The following FBXW7 variants were observed in gnomAD, a reference collection of about 807,000 sequenced individuals.
The protein encoded by FBXW7 is F-box and WD repeat domain containing 7, also known as F-box/WD repeat-containing protein 7.
Under a neutral mutation model 86.3 loss-of-function variants are expected in FBXW7, and 11 were observed. That is an observed-to-expected ratio of 0.13 (90% CI 0.08 to 0.21). The LOEUF (loss-of-function observed/expected upper bound fraction) is 0.21. FBXW7 is among the 10% of genes least tolerant of loss of function. The pLI, the probability that FBXW7 is intolerant of heterozygous loss-of-function variation, is 1.00. For synonymous variants in FBXW7, 313 were observed against 297.9 expected, an observed-to-expected ratio of 1.05 and a Z score of -0.52; for missense variants, 488 against 847.4, an observed-to-expected ratio of 0.58 and a Z score of 5.27.
chr4:152,449,784 G>A (rs1741741702), intron 2 of FBXW7, among the ~76,000 whole-genome samples: 1 of 152,118 alleles, frequency 6.6e-6, no homozygotes, highest in Admixed American at 6.5e-5. Flanking sequence ...AATGCACAAA[G>A]GTATTTGTTT....
intron 2 of FBXW7, among the ~76,000 whole-genome samples, chr4:152,446,684 T>A (rs1308983315): frequency 2.0e-5 from 3 of 152,186 alleles, no homozygotes; most frequent in African/African-American, 7.2e-5. Context: ...CACAGACCAA[T>A]CATAGTTATC....
At chr4:152,454,173 A>G (rs1579244442) in intron 2 of FBXW7, among the ~76,000 whole-genome samples, 1 of 151,904 alleles carries the variant, frequency 6.6e-6, no homozygotes, top group Non-Finnish European at 1.5e-5. Context: ...TGATCTAAAC[A>G]GAATCCAAAG....
At position 152,411,547 on chromosome 4, in the gene FBXW7, G is replaced by A. The variant is rs780061054; in HGVS notation, c.257C>T (p.Ser86Leu). 62 of 1,613,644 alleles carry A rather than the reference G, an allele frequency of 3.8e-5. No individual in the cohort carries two copies. In the East Asian group the frequency reaches 4.7e-4, roughly 12 times the overall value. The change falls in exon 4 of 14, where the codon TCG (serine) becomes TTG (leucine). Residue 86 changes from serine to leucine, a missense_variant. Around this residue, in one of 4 missense-constraint regions of FBXW7, gnomAD observed 230 missense variants for 240.0 expected, o/e 0.96. Transcript: ENST00000281708. Reference protein sequence around the residue: ...QLEENNNRFISVDEDSSGNQE... With the variant: ...QLEENNNRFILVDEDSSGNQE... ...GTTTCCTGAGGAGTCCTCATCTACC[G>A]AAATAAATCTATTATTGTTTTCTTC...
chr4:152,535,389 C>G lies in FBXW7; in HGVS notation c.-475G>C. Reference sequence around the variant, plus strand: ...GCGACTGGCCAAGGGAGAAGACCCCCGGAGGGGGCTGAGGGGAGGGGGAAG... The same window carrying G: ...GCGACTGGCCAAGGGAGAAGACCCCGGGAGGGGGCTGAGGGGAGGGGGAAG... On this transcript the variant is annotated 5_prime_UTR_variant, in exon 1 of 14. Coordinates refer to ENST00000281708, the MANE Select transcript of FBXW7 (RefSeq NM_001349798.2). 5.2e-6 allele frequency: 2 copies of G among 383,936 alleles called. No individual in the cohort carries two copies. The highest frequency in any genetic ancestry group is 7.3e-5 in the East Asian group (2 of 27,250). The allele number at this position is 383,936 out of a possible 1,614,324, so 23.8% of individuals were successfully genotyped here.
intron 4 of FBXW7, among the ~76,000 whole-genome samples, chr4:152,368,264 A>T (rs1398946162): frequency 1.3e-5 from 2 of 152,116 alleles, no homozygotes; most frequent in Non-Finnish European, 2.9e-5. Context: ...ACTGCATTAT[A>T]ACAAAGCTAA....
At chr4:152,393,722 T>C (rs1371498138) in intron 4 of FBXW7, among the ~76,000 whole-genome samples, 2 of 152,102 alleles carry the variant, frequency 1.3e-5, no homozygotes, top group Non-Finnish European at 2.9e-5. Flanking sequence ...CATTCCTCAT[T>C]TGCATCTGAT....
At chr4:152,333,666 CAG>C (rs1265844152) in intron 7 of FBXW7, among the ~76,000 whole-genome samples, 3 of 152,042 alleles carry the variant, frequency 2.0e-5, no homozygotes, top group Non-Finnish European at 4.4e-5. Flanking sequence ...AAGGGTCACA[CAG>C]GGAGTAAAAG....
At chr4:152,417,920 T>C (rs958907095) in intron 2 of FBXW7, among the ~76,000 whole-genome samples, 2 of 151,998 alleles carry the variant, frequency 1.3e-5, no homozygotes, top group African/African-American at 4.8e-5. Context: ...AGGAGGGTAG[T>C]AGGGTGGGGT....
At chr4:152,433,753 A>G (rs1413332255) in intron 2 of FBXW7, among the ~76,000 whole-genome samples, 1 of 152,198 alleles carries the variant, frequency 6.6e-6, no homozygotes, top group Non-Finnish European at 1.5e-5. Flanking sequence ...AGAAATATCC[A>G]TAACAATTTA....
At chr4:152,325,145 C>G (rs1560757139) in intron 12 of FBXW7, 1 of 152,132 alleles carries the variant, frequency 6.6e-6, no homozygotes, top group Non-Finnish European at 1.5e-5. Flanking sequence ...ATATCAGAAA[C>G]AGGTGCAGCC....
chr4:152,411,582 T>C lies in FBXW7; in HGVS notation c.222A>G (p.Gln74=), dbSNP rs1737974093. 1.2e-6 allele frequency: 2 copies of C among 1,613,948 alleles called. No individual in the cohort carries two copies. The highest frequency in any genetic ancestry group is 1.7e-4 in the Middle Eastern group (1 of 6,060). ...TATTATTGTTTTCTTCCAACTGTCC[T>C]TGCTGGGAATCATTTTGGCCTCCAG... ...PRPGGQNDSQ[Q]GQLEENNNRF... Residue 74 remains glutamine, a synonymous_variant, in exon 4 of 14, where the codon CAA becomes CAG. Transcript: ENST00000281708.
At chr4:152,426,993 C>CAATT (rs959929636) in intron 2 of FBXW7, among the ~76,000 whole-genome samples, 3 of 152,174 alleles carry the variant, frequency 2.0e-5, no homozygotes, top group African/African-American at 7.2e-5. Flanking sequence ...AATAGATGGA[C>CAATT]AATTTCACAG....
intron 4 of FBXW7, among the ~76,000 whole-genome samples, chr4:152,369,292 C>T (rs1289055694): frequency 6.6e-6 from 1 of 152,066 alleles, no homozygotes; most frequent in Non-Finnish European, 1.5e-5. Flanking sequence ...TAGCTCTTCA[C>T]AGATAAGGCT....
At chr4:152,485,713 C>G (rs2149676737) in intron 2 of FBXW7, among the ~76,000 whole-genome samples, 1 of 152,244 alleles carries the variant, frequency 6.6e-6, no homozygotes, top group African/African-American at 2.4e-5. Context: ...GTAAAATAGC[C>G]AAGTCCAGGT....
chr4:152,405,095 TAAAA>T (rs11394424), intron 4 of FBXW7, among the ~76,000 whole-genome samples: 1 of 79,050 alleles, frequency 1.3e-5, no homozygotes, highest in African/African-American at 5.1e-5. Flanking sequence ...GACCTTGTCT[TAAAA>T]AAAAAAAAAA....
chr4:152,467,748 G>A (rs902384642), intron 2 of FBXW7, among the ~76,000 whole-genome samples: 1 of 152,188 alleles, frequency 6.6e-6, no homozygotes, highest in Non-Finnish European at 1.5e-5. Context: ...CAGGCTATCA[G>A]TGAGTATTTA....
At chr4:152,396,941 A>C (rs1043126138) in intron 4 of FBXW7, among the ~76,000 whole-genome samples, 2 of 152,078 alleles carry the variant, frequency 1.3e-5, no homozygotes, top group Non-Finnish European at 2.9e-5. Context: ...TTAGAACTAA[A>C]GATCAAAGTT....
intron 2 of FBXW7, among the ~76,000 whole-genome samples, chr4:152,456,365 A>G (rs1247110610): frequency 4.8e-5 from 7 of 146,282 alleles, no homozygotes; most frequent in Non-Finnish European, 1.1e-4. Flanking sequence ...ATCCTTAAAA[A>G]AAAAAAAAAA....
intron 2 of FBXW7, among the ~76,000 whole-genome samples, chr4:152,480,008 G>T (rs1276175864): frequency 6.6e-6 from 1 of 151,898 alleles, no homozygotes; most frequent in East Asian, 1.9e-4. Flanking sequence ...TTATCTCTCT[G>T]GACTCATGGA....
Sources: gnomAD v4.1 joint callset for allele counts (sites outside exome capture counted in the v4.1 genomes callset) on GRCh38, gnomAD v4.1.1 for gene constraint, gnomAD v4.1.1 regional missense constraint, MANE v1.5 for transcripts, NCBI Gene and HGNC (gene_info 2026-07-23, HGNC 2026-07-21) for gene names.